CCDC91: variants seen among roughly 807,000 people sequenced by gnomAD.
CCDC91 encodes the protein coiled-coil domain containing 91, also known as coiled-coil domain-containing protein 91.
In CCDC91, 48 loss-of-function variants were observed where a neutral mutation model predicts 63.2. The observed-to-expected ratio is 0.76, with a 90% CI of 0.60 to 0.97. The LOEUF is 0.97. CCDC91 is among the 50% of genes least tolerant of loss of function. The pLI is 0.00. For missense variants in CCDC91, 500 were observed against 494.6 expected (o/e 1.01, Z -0.10); for synonymous variants, 167 against 165.8 (o/e 1.01, Z -0.06).
At chr12:28,499,194 A>C (rs1952480864) in intron 12 of CCDC91, among the ~76,000 whole-genome samples, 1 of 151,630 alleles carries the variant, frequency 6.6e-6, no homozygotes, top group South Asian at 2.1e-4. Context: ...TGCATAGCTG[A>C]AAAATCAATC....
At chr12:28,247,479 C>CAAA (rs71039885) in intron 1 of CCDC91, among the ~76,000 whole-genome samples, 1 of 91,970 alleles carries the variant, frequency 1.1e-5, no homozygotes, top group Non-Finnish European at 2.4e-5. Flanking sequence ...GACTCCGTCT[C>CAAA]AAAAAAAAAA....
At chr12:28,373,973 C>T (rs766708812) in intron 7 of CCDC91, among the ~76,000 whole-genome samples, 1 of 152,154 alleles carries the variant, frequency 6.6e-6, no homozygotes, top group Non-Finnish European at 1.5e-5. Context: ...TGTAAGTTTC[C>T]TGAGGCCTAA....
intron 12 of CCDC91, among the ~76,000 whole-genome samples, chr12:28,496,864 GTA>G (rs574888351): frequency 0.015 from 2,107 of 144,150 alleles, 52 homozygotes; most frequent in African/African-American, 0.048. Context: ...AGTTCTTAAG[GTA>G]TATATATATA....
intron 3 of CCDC91, among the ~76,000 whole-genome samples, chr12:28,290,009 A>G (rs961780442): frequency 2.6e-5 from 4 of 151,970 alleles, no homozygotes; most frequent in African/African-American, 9.7e-5. Flanking sequence ...AGAGTTCTGT[A>G]GTTGTCTTAT....
intron 12 of CCDC91, among the ~76,000 whole-genome samples, chr12:28,517,833 A>G (rs527773458): frequency 6.6e-6 from 1 of 151,952 alleles, no homozygotes; most frequent in South Asian, 2.1e-4. Flanking sequence ...TGTCATTTTT[A>G]TGCCCTCACA....
chr12:28,481,662 T>G (rs1951454477), intron 11 of CCDC91, among the ~76,000 whole-genome samples: 1 of 151,992 alleles, frequency 6.6e-6, no homozygotes, highest in Admixed American at 6.6e-5. Context: ...GTAGAAGGCT[T>G]AAACTTTACT....
chr12:28,441,057 C>CAAAAAAAAAAAAAAAAAAA lies in CCDC91; in HGVS notation c.763-9095_763-9077dup, dbSNP rs60278449. On this transcript the variant is annotated intron_variant, in intron 8 of 12. Transcript: ENST00000536442. The stretch of plus-strand genomic sequence containing the variant: ...TGGGTGACAGAGCAAGACTCCATCT[C>CAAAAAAAAAAAAAAAAAAA]AAAAAAAAAAAAAAAAAAAAAAAAA... Among the ~76,000 whole-genome samples the CAAAAAAAAAAAAAAAAAAA allele has an allele frequency of 2.1e-3, 112 of 52,702 alleles. 3 individuals are homozygous for CAAAAAAAAAAAAAAAAAAA. The highest frequency in any genetic ancestry group is 3.1e-3 in the East Asian group (3 of 954). 34.6% of individuals were successfully genotyped at this position (52,702 alleles called of 152,430 possible).
intron 1 of CCDC91, chr12:28,226,065 G>A (rs905380193): frequency 6.6e-6 from 1 of 152,168 alleles, no homozygotes. Flanking sequence ...GGGCCTTCTT[G>A]TTATGTGAGA....
At chr12:28,315,475 T>A (rs1159308093) in intron 6 of CCDC91, among the ~76,000 whole-genome samples, 1 of 152,006 alleles carries the variant, frequency 6.6e-6, no homozygotes, top group Non-Finnish European at 1.5e-5. Flanking sequence ...TTGTATATTC[T>A]TAAAAATAAG....
At chr12:28,502,228 G>A (rs1938004794) in intron 12 of CCDC91, among the ~76,000 whole-genome samples, 1 of 151,812 alleles carries the variant, frequency 6.6e-6, no homozygotes, top group Non-Finnish European at 1.5e-5. Context: ...AGCAACTTCA[G>A]CAAAGTCTCA....
At chr12:28,454,955 T>A (rs550141939) in intron 11 of CCDC91, among the ~76,000 whole-genome samples, 1 of 152,210 alleles carries the variant, frequency 6.6e-6, no homozygotes, top group South Asian at 2.1e-4. Context: ...AGTGTTTCCA[T>A]GGAAGGACAG....
intron 3 of CCDC91, among the ~76,000 whole-genome samples, chr12:28,267,411 T>G (rs1051858563): frequency 2.0e-5 from 3 of 151,282 alleles, no homozygotes; most frequent in African/African-American, 7.3e-5. Flanking sequence ...ATGTAACTAG[T>G]TATTTTCACT....
At chr12:28,319,173 CTG>C (rs1413844986) in intron 6 of CCDC91, among the ~76,000 whole-genome samples, 3 of 151,926 alleles carry the variant, frequency 2.0e-5, no homozygotes, top group East Asian at 1.9e-4. Flanking sequence ...ATCAAGTAAA[CTG>C]TTTCGGTGAA....
At chr12:28,297,726 G>C (rs1318419807) in intron 3 of CCDC91, among the ~76,000 whole-genome samples, 1 of 151,686 alleles carries the variant, frequency 6.6e-6, no homozygotes, top group East Asian at 1.9e-4. Flanking sequence ...TTGGGCATGA[G>C]GACTGACATT....
intron 12 of CCDC91, among the ~76,000 whole-genome samples, chr12:28,511,285 A>G (rs773866439): frequency 6.6e-6 from 1 of 151,918 alleles, no homozygotes; most frequent in Non-Finnish European, 1.5e-5. Flanking sequence ...TACAGCAGCT[A>G]AATTCCCAGA....
chr12:28,479,740 G>C (rs1179153930), intron 11 of CCDC91, among the ~76,000 whole-genome samples: 1 of 152,002 alleles, frequency 6.6e-6, no homozygotes, highest in Non-Finnish European at 1.5e-5. Context: ...ATCATACTAT[G>C]TGAGTAATAC....
At chr12:28,287,094 A>C (rs1188923352) in intron 3 of CCDC91, among the ~76,000 whole-genome samples, 3 of 151,948 alleles carry the variant, frequency 2.0e-5, no homozygotes, top group African/African-American at 7.3e-5. Context: ...TTCCTTATAG[A>C]TGTTGGATAT....
intron 7 of CCDC91, among the ~76,000 whole-genome samples, chr12:28,369,401 G>A (rs1488821570): frequency 6.6e-6 from 1 of 152,170 alleles, no homozygotes; most frequent in Non-Finnish European, 1.5e-5. Context: ...AGGACATTCT[G>A]ATACAAGAGG....
At chr12:28,407,962 A>ATTT (rs1444613547) in intron 8 of CCDC91, among the ~76,000 whole-genome samples, 4 of 113,232 alleles carry the variant, frequency 3.5e-5, no homozygotes, top group African/African-American at 1.3e-4. Context: ...ATATATATAT[A>ATTT]TATTTTTTTT....
Sources: gnomAD v4.1 joint callset for allele counts (sites outside exome capture counted in the v4.1 genomes callset) on GRCh38, gnomAD v4.1.1 for gene constraint, MANE v1.5 for transcripts, NCBI Gene and HGNC (gene_info 2026-07-23, HGNC 2026-07-21) for gene names.